Variants in AFF3 observed in about 807,000 individuals in gnomAD.
AFF3 encodes the protein AF4/FMR2 family member 3.
Under a neutral mutation model 129.7 loss-of-function variants are expected in AFF3, and 32 were observed. That is an observed-to-expected ratio of 0.25 (90% CI 0.19 to 0.33). The LOEUF (loss-of-function observed/expected upper bound fraction) is 0.33, where lower values mean the gene tolerates loss of function less well. Ranked by LOEUF, AFF3 falls within the 10% of genes least tolerant of loss-of-function variation. The probability of loss-of-function intolerance (pLI) is 1.00; values close to 1 mark genes in which losing one functional copy is unlikely to be tolerated. For missense variants in AFF3, 1,373 were observed against 1,592.0 expected (o/e 0.86, Z 2.34); for synonymous variants, 644 against 635.4 (o/e 1.01, Z -0.20).
chr2:99,952,932 G>C (rs1676299806), intron 7 of AFF3, among the ~76,000 whole-genome samples: 1 of 152,290 alleles, frequency 6.6e-6, no homozygotes, highest in African/African-American at 2.4e-5. Flanking sequence ...GTAAAATGGA[G>C]GTAATTACAG....
At chr2:100,019,217 C>T (rs976528115) in intron 4 of AFF3, among the ~76,000 whole-genome samples, 3 of 152,072 alleles carry the variant, frequency 2.0e-5, no homozygotes, top group Admixed American at 6.6e-5. Context: ...ATGCTCTTCC[C>T]GAATCCAACT....
intron 8 of AFF3, among the ~76,000 whole-genome samples, chr2:99,830,407 T>C (rs1172633128): frequency 6.6e-6 from 1 of 152,152 alleles, no homozygotes; most frequent in Non-Finnish European, 1.5e-5. Context: ...AAAGAATAAA[T>C]GTCTGCAAAG....
At chr2:99,819,208 C>T (rs1257196619) in intron 8 of AFF3, among the ~76,000 whole-genome samples, 1 of 152,170 alleles carries the variant, frequency 6.6e-6, no homozygotes, top group African/African-American at 2.4e-5. Context: ...AAAGTTATTT[C>T]CAACACTTTT....
intron 7 of AFF3, among the ~76,000 whole-genome samples, chr2:99,930,258 C>G (rs995894346): frequency 1.3e-5 from 2 of 152,186 alleles, no homozygotes; most frequent in African/African-American, 2.4e-5. Flanking sequence ...AGCTGAACAG[C>G]TGGTCCCCTT....
intron 4 of AFF3, among the ~76,000 whole-genome samples, chr2:100,077,435 GA>G (rs1688670348): frequency 6.6e-6 from 1 of 152,018 alleles, no homozygotes; most frequent in Non-Finnish European, 1.5e-5. Flanking sequence ...CTAGAAGCTG[GA>G]AATAGCAAGG....
chr2:99,883,336 T>C (rs1176760049), intron 7 of AFF3, among the ~76,000 whole-genome samples: 2 of 152,174 alleles, frequency 1.3e-5, no homozygotes, highest in Admixed American at 1.3e-4. Context: ...TAAAGAAGGT[T>C]CTCACAGTCT....
chr2:99,919,034 T>C (rs146548638), intron 7 of AFF3, among the ~76,000 whole-genome samples: 84 of 152,324 alleles, frequency 5.5e-4, no homozygotes, highest in African/African-American at 2.0e-3. Flanking sequence ...TTATTTTTAC[T>C]GCTTTATGGT....
chr2:99,755,902 T>A (rs1446478354), intron 8 of AFF3, among the ~76,000 whole-genome samples: 1 of 152,186 alleles, frequency 6.6e-6, no homozygotes, highest in Non-Finnish European at 1.5e-5. Flanking sequence ...AAGGGGAGAA[T>A]CAATGGTAGG....
At chr2:99,567,134 ATTTTT>A (rs35594854) in intron 19 of AFF3, among the ~76,000 whole-genome samples, 1 of 130,026 alleles carries the variant, frequency 7.7e-6, no homozygotes, top group Non-Finnish European at 1.6e-5. Flanking sequence ...CACCTGGCTC[ATTTTT>A]TTTTTTTTTT....
intron 7 of AFF3, among the ~76,000 whole-genome samples, chr2:99,948,186 G>A (rs1441425811): frequency 6.6e-6 from 1 of 152,168 alleles, no homozygotes; most frequent in Non-Finnish European, 1.5e-5. Context: ...CATCTAGGGT[G>A]GGACTCGGAG....
rs556707017 is a variant in AFF3 at position 99,979,457 on chromosome 2, C to T, written c.873+27175G>A. Among the ~76,000 whole-genome samples, 6 of 152,074 alleles carry T rather than the reference C, an allele frequency of 3.9e-5. No homozygotes were observed. The South Asian group carries it at 1.2e-3, about 32-fold the overall frequency. On this transcript the variant is annotated intron_variant, in intron 7 of 24. Coordinates refer to ENST00000672756, the MANE Select transcript of AFF3 (RefSeq NM_001386135.1). ...ATTCCATGAAAAGGAGAATAAACAGCTCCCCATCTTTAGAAATTTTTTTAA... is the reference window on the plus strand; with the variant it reads ...ATTCCATGAAAAGGAGAATAAACAGTTCCCCATCTTTAGAAATTTTTTTAA...
In AFF3 at chr2:100,006,845, T is replaced by C. The variant is rs760850636; in HGVS notation, c.660A>G (p.Leu220=). 1.2e-6 allele frequency: 2 copies of C among 1,614,170 alleles called. No homozygotes were observed. The highest frequency in any genetic ancestry group is 1.7e-5 in the Admixed American group (1 of 60,024). The stretch of plus-strand genomic sequence containing the variant: ...GCTGGACCAGGCTGGGTTTTGAAGC[T>C]AGGGATGGAGGAAAGTTCTGAACAC... The part of the protein sequence containing the change: ...GHCVQNFPPS[L]ASKPSLVQQK... The change falls in exon 7 of 25, where the codon CTA becomes CTG. Residue 220 remains leucine, a synonymous_variant. Coordinates refer to ENST00000672756, the MANE Select transcript of AFF3 (RefSeq NM_001386135.1).
chr2:99,687,882 ACCCAGG>A (rs1163847933), intron 11 of AFF3, among the ~76,000 whole-genome samples: 1 of 152,130 alleles, frequency 6.6e-6, no homozygotes, highest in Non-Finnish European at 1.5e-5. Context: ...TCTTGCTGTC[ACCCAGG>A]CTGGAGTGCA....
chr2:99,901,877 T>C (rs776189208), intron 7 of AFF3, among the ~76,000 whole-genome samples: 17 of 152,030 alleles, frequency 1.1e-4, no homozygotes, highest in Admixed American at 6.5e-5. Context: ...CAACTGCTTG[T>C]CACAGCTAAG....
intron 8 of AFF3, among the ~76,000 whole-genome samples, chr2:99,803,356 C>G (rs767395070): frequency 6.6e-6 from 1 of 152,000 alleles, no homozygotes; most frequent in Non-Finnish European, 1.5e-5. Flanking sequence ...AGGATTTTTG[C>G]ACTTATGTTC....
rs150288066 is a variant in AFF3, at chr2:99,995,421, A to G, written c.873+11211T>C. Among the ~76,000 whole-genome samples the G allele has an allele frequency of 5.1e-4, 77 of 151,716 alleles. 1 individual carries two copies. In the East Asian group the frequency reaches 0.014, roughly 28 times the overall value. On this transcript the variant is annotated intron_variant, in intron 7 of 24. Coordinates refer to ENST00000672756, the MANE Select transcript of AFF3 (RefSeq NM_001386135.1). ...GGAGTCTTGCTCTGTCACCCAGGCT[A>G]GAGTGCAGTGGTGCGATCTCAGCTC... is the stretch of plus-strand genomic sequence containing the variant.
intron 13 of AFF3, among the ~76,000 whole-genome samples, chr2:99,604,671 TG>T (rs925771751): frequency 1.3e-5 from 2 of 151,960 alleles, no homozygotes; most frequent in African/African-American, 4.8e-5. Flanking sequence ...CTCAAAACAC[TG>T]GGGGGAAACA....
intron 4 of AFF3, among the ~76,000 whole-genome samples, chr2:100,023,432 T>C (rs1683760515): frequency 6.6e-6 from 1 of 152,186 alleles, no homozygotes; most frequent in African/African-American, 2.4e-5. Flanking sequence ...TAACAGAAGA[T>C]ACTACATAAT....
chr2:99,727,687 G>A (rs1235150865), intron 10 of AFF3, among the ~76,000 whole-genome samples: 4 of 151,090 alleles, frequency 2.6e-5, no homozygotes, highest in Non-Finnish European at 2.9e-5. Flanking sequence ...TCAGCCTCCC[G>A]AGTAGCTGGG....
Sources: gnomAD v4.1 joint callset for allele counts (sites outside exome capture counted in the v4.1 genomes callset) on GRCh38, gnomAD v4.1.1 for gene constraint, MANE v1.5 for transcripts, NCBI Gene and HGNC (gene_info 2026-07-23, HGNC 2026-07-21) for gene names.